The following CTNNA2 variants were observed in gnomAD, a reference collection of about 807,000 sequenced individuals.
CTNNA2 encodes the protein catenin alpha 2.
A neutral mutation model predicts 101.0 loss-of-function variants in CTNNA2; 42 were observed. The observed-to-expected ratio is 0.42, with a 90% CI of 0.32 to 0.54. CTNNA2 has a LOEUF of 0.54. Among genes scored for constraint, CTNNA2 ranks in the 20% least tolerant of loss-of-function variants. CTNNA2 has a pLI of 0.14. For missense variants in CTNNA2, 871 were observed against 1,223.1 expected, an observed-to-expected ratio of 0.71 and a Z score of 4.29; for synonymous variants, 450 against 456.4, an observed-to-expected ratio of 0.99 and a Z score of 0.18.
chr2:79,852,629 G>A (rs921071246), intron 3 of CTNNA2, among the ~76,000 whole-genome samples: 13 of 152,340 alleles, frequency 8.5e-5, no homozygotes, highest in African/African-American at 2.2e-4. Context: ...GTCTCACTCC[G>A]TCACCAGGCT....
intron 7 of CTNNA2, among the ~76,000 whole-genome samples, chr2:80,023,549 T>C (rs1242960670): frequency 6.6e-6 from 1 of 152,220 alleles, no homozygotes; most frequent in African/African-American, 2.4e-5. Context: ...AGTGGTTCTA[T>C]TTCCAAAGTA....
chr2:79,538,564 G>A (rs1157508731), intron 1 of CTNNA2, among the ~76,000 whole-genome samples: 1 of 152,110 alleles, frequency 6.6e-6, no homozygotes, highest in Non-Finnish European at 1.5e-5. Context: ...CCTTGCTATC[G>A]AGCAGATTTT....
intron 6 of CTNNA2, among the ~76,000 whole-genome samples, chr2:79,875,268 G>A (rs955734767): frequency 1.3e-5 from 2 of 152,108 alleles, no homozygotes; most frequent in African/African-American, 4.8e-5. Context: ...CATTCCCCCC[G>A]GGTCAGAGGA....
chr2:79,572,741 G>A (rs912456181), intron 1 of CTNNA2, among the ~76,000 whole-genome samples: 1 of 152,094 alleles, frequency 6.6e-6, no homozygotes, highest in African/African-American at 2.4e-5. Flanking sequence ...GACACACTAA[G>A]ACTTTGTTTA....
chr2:79,927,694 ATATTAGGTT>A (rs1192455748), intron 7 of CTNNA2, among the ~76,000 whole-genome samples: 1 of 152,224 alleles, frequency 6.6e-6, no homozygotes, highest in Non-Finnish European at 1.5e-5. Context: ...AATCTGTCAT[ATATTAGGTT>A]TTGATCATAT....
At chr2:80,605,181 C>T (rs1236319847) in intron 16 of CTNNA2, 1 of 151,894 alleles carries the variant, frequency 6.6e-6, no homozygotes, top group African/African-American at 2.4e-5. Flanking sequence ...TATTTCCATA[C>T]TTTTCGTTTT....
rs189567723 is a variant in CTNNA2 at position 79,289,456 on chromosome 2, G to A, written c.-405-23253G>A. Among the ~76,000 whole-genome samples the A allele has an allele frequency of 4.8e-4, 73 of 152,268 alleles. No homozygotes were observed. In the East Asian group the frequency reaches 9.1e-3, roughly 19 times the overall value. On this transcript the variant is annotated intron_variant, in intron 2 of 21. Coordinates refer to the CTNNA2 transcript ENST00000466387. The stretch of plus-strand genomic sequence containing the variant: ...GTGACGAGTGGTGGGCTAATGAGTC[G>A]GGTTGGTTAGAATTCAGCAACCAGG...
intron 3 of CTNNA2, among the ~76,000 whole-genome samples, chr2:79,855,316 A>G (rs1681042097): frequency 6.6e-6 from 1 of 152,016 alleles, no homozygotes; most frequent in Non-Finnish European, 1.5e-5. Context: ...GATTAGCTCC[A>G]CCTAAGATCT....
At chr2:79,855,495 T>C (rs1267899247) in intron 3 of CTNNA2, among the ~76,000 whole-genome samples, 1 of 152,198 alleles carries the variant, frequency 6.6e-6, no homozygotes. Context: ...GCAAGACCTG[T>C]CTTCTGGAAT....
intron 7 of CTNNA2, among the ~76,000 whole-genome samples, chr2:80,079,687 G>A (rs564039041): frequency 5.9e-5 from 9 of 151,714 alleles, no homozygotes; most frequent in Non-Finnish European, 1.3e-4. Flanking sequence ...GGTGGCGGGC[G>A]CCTGTAGTCA....
At chr2:80,237,594 A>AG (rs1487458782) in intron 7 of CTNNA2, among the ~76,000 whole-genome samples, 5 of 152,098 alleles carry the variant, frequency 3.3e-5, no homozygotes, top group Non-Finnish European at 2.9e-5. Context: ...AGGCCTTCAC[A>AG]GTGGAAGGGG....
rs2104057117 is a variant in CTNNA2 at position 79,874,087 on chromosome 2, T to C, written c.597T>C (p.Asp199=). The change falls in exon 6 of 19, where the codon GAT becomes GAC. Residue 199 remains aspartate, a synonymous_variant. Transcript: ENST00000402739. ...TGTTACACACACAGGAGCTGAAGGA[T>C]CCTCACTGTCGGGATGAGATGGCAG... ...VAARRQQELK[D]PHCRDEMAAA... 1 of 1,614,106 alleles carries C rather than the reference T, an allele frequency of 6.2e-7. No individual in the cohort carries two copies. Among genetic ancestry groups the C allele is most frequent in the East Asian group, 2.2e-5 (1 of 44,856 alleles).
At chr2:80,269,138 A>C (rs912839104) in intron 7 of CTNNA2, among the ~76,000 whole-genome samples, 2 of 152,248 alleles carry the variant, frequency 1.3e-5, no homozygotes, top group Non-Finnish European at 2.9e-5. Context: ...AAGGTGATAT[A>C]GTTTGGCTGT....
intron 7 of CTNNA2, among the ~76,000 whole-genome samples, chr2:80,213,891 G>C (rs1388398853): frequency 2.0e-5 from 3 of 152,224 alleles, no homozygotes; most frequent in African/African-American, 4.8e-5. Context: ...TATGAATCTG[G>C]GTGCTCTAGT....
chr2:79,193,792 G>A (rs921118474), intron 1 of CTNNA2, among the ~76,000 whole-genome samples: 3 of 152,142 alleles, frequency 2.0e-5, no homozygotes, highest in African/African-American at 7.2e-5. Context: ...TCCATTAAAA[G>A]ACAATTTATT....
chr2:80,474,640 C>T (rs1342063203), intron 9 of CTNNA2, among the ~76,000 whole-genome samples: 2 of 152,066 alleles, frequency 1.3e-5, no homozygotes, highest in East Asian at 1.9e-4. Context: ...TAGATAATGA[C>T]TGAATGACAA....
intron 7 of CTNNA2, among the ~76,000 whole-genome samples, chr2:80,201,611 G>A (rs1416849998): frequency 7.2e-5 from 11 of 151,748 alleles, no homozygotes; most frequent in Admixed American, 3.9e-4. Context: ...TCCTGACCTC[G>A]TAATCCGCCT....
At chr2:79,647,965 TTAAG>T (rs1223468937) in intron 1 of CTNNA2, among the ~76,000 whole-genome samples, 1 of 152,168 alleles carries the variant, frequency 6.6e-6, no homozygotes, top group African/African-American at 2.4e-5. Flanking sequence ...AGAAGCCCAA[TTAAG>T]TAAGCACATT....
Position 79,565,163 on chromosome 2 carries a change from T to C in CTNNA2, c.-6+51956T>C, listed in dbSNP as rs955804658. Among the ~76,000 whole-genome samples the C allele has an allele frequency of 3.2e-4, 48 of 151,802 alleles. 1 individual carries two copies. Among genetic ancestry groups the C allele is most frequent in the African/African-American group, 1.1e-3 (47 of 41,332 alleles). ...GGTGTTGTAGGACTTTCTCCTTAGC[T>C]AAAAGCCGGGTTGTCACACGATCAT... On this transcript the variant is annotated intron_variant, in intron 1 of 18. Coordinates refer to ENST00000402739, the MANE Select transcript of CTNNA2 (RefSeq NM_001282597.3).
Sources: allele counts gnomAD v4.1 joint callset (sites outside exome capture counted in the v4.1 genomes callset), GRCh38; gene constraint gnomAD v4.1.1; transcripts MANE v1.5; gene names NCBI Gene and HGNC (gene_info 2026-07-23, HGNC 2026-07-21).